SLC35F1: variants seen among roughly 807,000 people sequenced by gnomAD.
SLC35F1 encodes the protein solute carrier family 35 member F1, also known as chromosome 6 open reading frame 169.
Under a neutral mutation model 48.7 loss-of-function variants are expected in SLC35F1, and 14 were observed. The ratio of observed to expected loss-of-function variants is 0.29; its 90% confidence interval spans 0.19 to 0.45. The LOEUF (loss-of-function observed/expected upper bound fraction) is 0.45. SLC35F1 is among the 20% of genes least tolerant of loss of function. The probability of loss-of-function intolerance (pLI) is 1.00; values close to 1 mark genes in which losing one functional copy is unlikely to be tolerated. For missense variants in SLC35F1, 404 were observed against 500.0 expected (o/e 0.81, Z 1.83); for synonymous variants, 190 against 202.2 (o/e 0.94, Z 0.51).
At chr6:118,060,036 T>C (rs929594432) in intron 1 of SLC35F1, among the ~76,000 whole-genome samples, 1 of 152,212 alleles carries the variant, frequency 6.6e-6, no homozygotes, top group Non-Finnish European at 1.5e-5. Flanking sequence ...TGGTATCTAA[T>C]TAGAGAGAAA....
At chr6:117,955,380 A>G (rs753439603) in intron 1 of SLC35F1, among the ~76,000 whole-genome samples, 3 of 152,236 alleles carry the variant, frequency 2.0e-5, no homozygotes, top group African/African-American at 7.2e-5. Flanking sequence ...TGGTCTGACA[A>G]GTGGTCTTGA....
chr6:118,280,946 G>A (rs2114636581), intron 6 of SLC35F1, among the ~76,000 whole-genome samples: 1 of 151,628 alleles, frequency 6.6e-6, no homozygotes, highest in South Asian at 2.1e-4. Flanking sequence ...GACTTGACGA[G>A]CATTACATAT....
At chr6:117,935,300 G>A (rs1178666062) in intron 1 of SLC35F1, among the ~76,000 whole-genome samples, 1 of 152,100 alleles carries the variant, frequency 6.6e-6, no homozygotes, top group Non-Finnish European at 1.5e-5. Context: ...ATTCACTGAA[G>A]TTATGCTCTA....
rs73520175 is a variant in SLC35F1 at position 118,129,987 on chromosome 6, C to T, written c.174-24458C>T. Among the ~76,000 whole-genome samples the T allele has an allele frequency of 3.7e-3, 563 of 152,274 alleles. 4 individuals are homozygous for T. Among genetic ancestry groups the T allele is most frequent in the African/African-American group, 0.013 (542 of 41,552 alleles). On this transcript the variant is annotated intron_variant, in intron 1 of 7. Coordinates refer to ENST00000360388, the MANE Select transcript of SLC35F1 (RefSeq NM_001029858.4). ...TCTCAGATGTATCAACTGTCAGTCT[C>T]CCAAACTCTCCATCCCTTTAGGTTA...
chr6:117,967,592 C>G (rs1776587004), intron 1 of SLC35F1, among the ~76,000 whole-genome samples: 1 of 152,166 alleles, frequency 6.6e-6, no homozygotes, highest in African/African-American at 2.4e-5. Flanking sequence ...ACCCTGTTTA[C>G]TCTTGTTTCT....
intron 1 of SLC35F1, among the ~76,000 whole-genome samples, chr6:118,006,797 T>C (rs768420310): frequency 6.6e-6 from 1 of 152,092 alleles, no homozygotes; most frequent in Non-Finnish European, 1.5e-5. Context: ...CACACCCCCC[T>C]GAATTCACTC....
intron 1 of SLC35F1, among the ~76,000 whole-genome samples, chr6:117,940,535 C>G (rs1487784288): frequency 6.6e-6 from 1 of 152,218 alleles, no homozygotes; most frequent in Admixed American, 6.5e-5. Flanking sequence ...AAAGAGATAT[C>G]TGTACCCCCA....
intron 1 of SLC35F1, among the ~76,000 whole-genome samples, chr6:118,027,645 T>A (rs9320625): frequency 0.48 from 73,543 of 151,858 alleles, 19,120 homozygotes; most frequent in East Asian, 0.78. Flanking sequence ...TAAAAAAAGT[T>A]TGGATGGTTT....
intron 2 of SLC35F1, among the ~76,000 whole-genome samples, chr6:118,216,613 A>G (rs775291632): frequency 4.4e-5 from 1 of 22,528 alleles, no homozygotes; most frequent in Non-Finnish European, 1.1e-4. Flanking sequence ...CTTAAAAGAA[A>G]CCCTACATTA....
chr6:118,223,813 C>A (rs1054498419), intron 2 of SLC35F1, among the ~76,000 whole-genome samples: 1 of 152,190 alleles, frequency 6.6e-6, no homozygotes, highest in African/African-American at 2.4e-5. Context: ...CAAGGTCAGC[C>A]CTCAAGAGTG....
rs116954088 is a variant in SLC35F1 at position 118,008,904 on chromosome 6, G to T, written c.173+101005G>T. Among the ~76,000 whole-genome samples, 1,158 of 152,068 alleles carry T rather than the reference G, an allele frequency of 7.6e-3. 4 individuals carry two copies. Among genetic ancestry groups the T allele is most frequent in the Non-Finnish European group, 0.012 (833 of 67,980 alleles). On this transcript the variant is annotated intron_variant, in intron 1 of 7. Transcript: ENST00000360388. ...CTCTTCTGCTCATGTTTTCATTTCT[G>T]TTAATATAAACTAAAGACCTATATG... is the stretch of plus-strand genomic sequence containing the variant.
intron 3 of SLC35F1, among the ~76,000 whole-genome samples, chr6:118,259,745 G>A (rs888904662): frequency 6.6e-6 from 1 of 151,680 alleles, no homozygotes; most frequent in Non-Finnish European, 1.5e-5. Context: ...AGGATAAAGA[G>A]AAACTAGAAC....
At chr6:117,951,091 C>A (rs1776357912) in intron 1 of SLC35F1, among the ~76,000 whole-genome samples, 1 of 152,100 alleles carries the variant, frequency 6.6e-6, no homozygotes, top group Non-Finnish European at 1.5e-5. Flanking sequence ...CATAAGTTTT[C>A]ATATAATTTA....
At chr6:118,065,684 C>T (rs1272459249) in intron 1 of SLC35F1, among the ~76,000 whole-genome samples, 4 of 152,122 alleles carry the variant, frequency 2.6e-5, no homozygotes, top group African/African-American at 9.7e-5. Context: ...TGGCTGAAAA[C>T]TTTTCAGCTA....
At chr6:118,208,551 A>G (rs1774965633) in intron 2 of SLC35F1, among the ~76,000 whole-genome samples, 1 of 152,228 alleles carries the variant, frequency 6.6e-6, no homozygotes, top group African/African-American at 2.4e-5. Flanking sequence ...ATTTTAAAAT[A>G]ACCCTTTTAT....
At chr6:118,080,733 T>C (rs1772895420) in intron 1 of SLC35F1, among the ~76,000 whole-genome samples, 1 of 152,140 alleles carries the variant, frequency 6.6e-6, no homozygotes, top group South Asian at 2.1e-4. Flanking sequence ...CTTACTGTGC[T>C]TGGACTCCTA....
intron 2 of SLC35F1, among the ~76,000 whole-genome samples, chr6:118,176,125 C>A (rs1313390793): frequency 6.6e-6 from 1 of 152,068 alleles, no homozygotes; most frequent in Non-Finnish European, 1.5e-5. Context: ...GTGATACTTA[C>A]AATCTTAAAT....
chr6:118,096,084 A>G (rs888637898), intron 1 of SLC35F1, among the ~76,000 whole-genome samples: 10 of 152,232 alleles, frequency 6.6e-5, no homozygotes, highest in African/African-American at 2.4e-4. Flanking sequence ...TGAATCAATG[A>G]AAGATTGGAA....
intron 1 of SLC35F1, among the ~76,000 whole-genome samples, chr6:117,971,424 T>C (rs1776636985): frequency 6.6e-6 from 1 of 152,226 alleles, no homozygotes; most frequent in African/African-American, 2.4e-5. Flanking sequence ...AAGCTGTCAC[T>C]GGATCACAGT....
Sources: gnomAD v4.1 joint callset for allele counts (sites outside exome capture counted in the v4.1 genomes callset) on GRCh38, gnomAD v4.1.1 for gene constraint, MANE v1.5 for transcripts, NCBI Gene and HGNC (gene_info 2026-07-23, HGNC 2026-07-21) for gene names.